The following LANCL1 variants were observed in gnomAD, a reference collection of about 807,000 sequenced individuals.
The protein encoded by LANCL1 is LanC like glutathione S-transferase 1.
A neutral mutation model predicts 50.6 loss-of-function variants in LANCL1; 50 were observed. The ratio of observed to expected loss-of-function variants is 0.99; its 90% CI spans 0.79 to 1.25. The LOEUF is 1.25. LANCL1 is among the 50% of genes most tolerant of loss of function. The probability of loss-of-function intolerance (pLI) is 0.00; values close to 1 mark genes in which losing one functional copy is unlikely to be tolerated. For synonymous variants in LANCL1, 188 were observed against 178.6 expected (o/e 1.05, Z -0.42); for missense variants, 532 against 480.7 (o/e 1.11, Z -1.00).
chr2:210,434,900 G>A (rs566601158), intron 9 of LANCL1, among the ~76,000 whole-genome samples: 1 of 151,758 alleles, frequency 6.6e-6, no homozygotes, highest in East Asian at 2.0e-4. Flanking sequence ...AATATTAACG[G>A]CAATGATTTA....
intron 4 of LANCL1, chr2:210,442,738 T>C (rs1693183033): frequency 1.3e-5 from 2 of 152,264 alleles, no homozygotes; most frequent in East Asian, 3.8e-4. Context: ...TTCCCCGGTC[T>C]GAACTCAGTA....
At chr2:210,440,838 C>A in intron 5 of LANCL1, 94 bp from the exon 6 acceptor site, 1 of 1,124,340 alleles carries the variant, frequency 8.9e-7, no homozygotes, top group East Asian at 2.6e-5. Context: ...TACTGGGGAA[C>A]ATGACAAATT....
At chr2:210,437,486 A>C (rs1692973751) in intron 7 of LANCL1, among the ~76,000 whole-genome samples, 1 of 152,124 alleles carries the variant, frequency 6.6e-6, no homozygotes, top group African/African-American at 2.4e-5. Flanking sequence ...ATTGCAACCT[A>C]AGTGTTGTTA....
chr2:210,443,389 G>A (rs1017833521), intron 4 of LANCL1, among the ~76,000 whole-genome samples: 15 of 152,118 alleles, frequency 9.9e-5, no homozygotes, highest in Non-Finnish European at 1.8e-4. Context: ...TCCTATTTAA[G>A]TTAAAACATT....
chr2:210,475,677 T>G (rs761576670), intron 2 of LANCL1, among the ~76,000 whole-genome samples: 1 of 152,166 alleles, frequency 6.6e-6, no homozygotes, highest in Non-Finnish European at 1.5e-5. Flanking sequence ...TCTTAACAAT[T>G]ATGTTCACCC....
At chr2:210,456,529 A>G (rs1693679015) in intron 3 of LANCL1, among the ~76,000 whole-genome samples, 1 of 152,098 alleles carries the variant, frequency 6.6e-6, no homozygotes, top group Admixed American at 6.5e-5. Context: ...GATCAGATGC[A>G]TCAATGCTTA....
intron 4 of LANCL1, among the ~76,000 whole-genome samples, chr2:210,443,660 C>G (rs1693218982): frequency 6.6e-6 from 1 of 152,164 alleles, no homozygotes; most frequent in Non-Finnish European, 1.5e-5. Context: ...TGTCTGTCAT[C>G]TAACTTCAGT....
intron 6 of LANCL1, among the ~76,000 whole-genome samples, 182 bp from the exon 7 acceptor site, chr2:210,438,054 T>A (rs1476266769): frequency 1.3e-5 from 2 of 152,150 alleles, no homozygotes; most frequent in African/African-American, 2.4e-5. Flanking sequence ...TGATTTCATT[T>A]AAAAATTTTA....
At chr2:210,461,410 C>G (rs2287425) in intron 3 of LANCL1, among the ~76,000 whole-genome samples, 82,578 of 151,748 alleles carry the variant, frequency 0.54, 23,121 homozygotes, top group East Asian at 0.82. Flanking sequence ...TACTTACAAA[C>G]AGATCAAATT....
intron 3 of LANCL1, among the ~76,000 whole-genome samples, chr2:210,462,932 T>C (rs1334056649): frequency 1.3e-5 from 2 of 152,234 alleles, no homozygotes; most frequent in Non-Finnish European, 1.5e-5. Context: ...ATGAGTATCA[T>C]GTCATTGTTC....
At chr2:210,449,913 C>T (rs1419275598) in intron 4 of LANCL1, among the ~76,000 whole-genome samples, 1 of 152,188 alleles carries the variant, frequency 6.6e-6, no homozygotes, top group Non-Finnish European at 1.5e-5. Flanking sequence ...AATGACCACA[C>T]TGCCCAAAGT....
intron 8 of LANCL1, among the ~76,000 whole-genome samples, chr2:210,435,893 C>CTTTTT (rs71043994): frequency 2.0e-3 from 131 of 64,228 alleles, no homozygotes; most frequent in Non-Finnish European, 2.3e-3. Flanking sequence ...GGGAGACCTG[C>CTTTTT]TTTTTTTTTT....
At chr2:210,438,626 G>A (rs1015650092) in intron 6 of LANCL1, among the ~76,000 whole-genome samples, 5 of 152,134 alleles carry the variant, frequency 3.3e-5, no homozygotes, top group Admixed American at 6.6e-5. Context: ...TTAGAGAAGA[G>A]ATAGGTGGTA....
At position 210,456,568 on chromosome 2, in the gene LANCL1, G is replaced by A. The variant is rs575972022; in HGVS notation, c.200-1254C>T. On this transcript the variant is annotated intron_variant, in intron 3 of 9. Transcript: ENST00000450366. ...TTTGTAGACAAGTGTACAAAACCTTGTGTGTAGGTAAGAAAAAAAAAAAAA... is the reference window on the plus strand; with the variant it reads ...TTTGTAGACAAGTGTACAAAACCTTATGTGTAGGTAAGAAAAAAAAAAAAA... Among the ~76,000 whole-genome samples, 9 of 151,132 alleles carry A rather than the reference G, an allele frequency of 6.0e-5. No homozygotes were observed. The East Asian group carries it at 1.8e-3, about 29-fold the overall frequency.
intron 4 of LANCL1, among the ~76,000 whole-genome samples, chr2:210,444,198 A>C (rs150197375): frequency 2.2e-3 from 342 of 152,272 alleles, no homozygotes; most frequent in African/African-American, 7.9e-3. Flanking sequence ...TGTACAACAA[A>C]AACAAACAAA....
At position 210,437,638 on chromosome 2, in the gene LANCL1, T is replaced by C; in HGVS notation, c.873+52A>G. 4.4e-6 allele frequency: 5 copies of C among 1,129,816 alleles called. No homozygotes were observed. In the South Asian group the frequency reaches 8.9e-5, roughly 20 times the overall value. The allele number at this position is 1,129,816 out of a possible 1,614,324, so 70.0% of individuals were successfully genotyped here. On this transcript the variant is annotated intron_variant, in intron 7 of 9. Transcript: ENST00000450366. ...GGATTAGGATAAAACTAATTTTAAA[T>C]TATAAATTTTTGGTTATTTAAAAAA...
chr2:210,444,652 T>C (rs951381335), intron 4 of LANCL1, among the ~76,000 whole-genome samples: 4 of 152,204 alleles, frequency 2.6e-5, no homozygotes, highest in African/African-American at 9.6e-5. Flanking sequence ...TCTACAAATA[T>C]AGGCAACAAT....
chr2:210,474,117 T>G (rs1175807623), intron 2 of LANCL1, among the ~76,000 whole-genome samples: 1 of 152,244 alleles, frequency 6.6e-6, no homozygotes, highest in Non-Finnish European at 1.5e-5. Context: ...ATTGATTGCT[T>G]GTGGTACACC....
chr2:210,453,791 T>C lies in LANCL1; in HGVS notation c.407+1316A>G, dbSNP rs545145215. On this transcript the variant is annotated intron_variant, in intron 4 of 9. Coordinates refer to ENST00000450366, the MANE Select transcript of LANCL1 (RefSeq NM_006055.3). Reference sequence around the variant, plus strand: ...AGGTGAGTATGGAACAGTTTTTGTATTGGCAAGTCTTATGCAAGTCAGCTA... The same window carrying C: ...AGGTGAGTATGGAACAGTTTTTGTACTGGCAAGTCTTATGCAAGTCAGCTA... Among the ~76,000 whole-genome samples the C allele has an allele frequency of 4.6e-5, 7 of 152,258 alleles. No individual in the cohort carries two copies. In the East Asian group the frequency reaches 9.7e-4, roughly 21 times the overall value.
Sources: gnomAD v4.1 joint callset for allele counts (sites outside exome capture counted in the v4.1 genomes callset) on GRCh38, gnomAD v4.1.1 for gene constraint, MANE v1.5 for transcripts, NCBI Gene and HGNC (gene_info 2026-07-23, HGNC 2026-07-21) for gene names.